The following CYRIB variants were observed in gnomAD, a reference collection of about 807,000 sequenced individuals.
The protein encoded by CYRIB is CYFIP related Rac1 interactor B.
Under a neutral mutation model 44.2 loss-of-function variants are expected in CYRIB, and 8 were observed. The ratio of observed to expected loss-of-function variants is 0.18; its 90% CI spans 0.11 to 0.33. CYRIB has a LOEUF of 0.33. Among genes scored for constraint, CYRIB ranks in the 10% least tolerant of loss-of-function variants. The probability of loss-of-function intolerance (pLI) is 1.00; values close to 1 mark genes in which losing one functional copy is unlikely to be tolerated. For synonymous variants in CYRIB, 131 were observed against 127.2 expected (o/e 1.03, Z -0.20); for missense variants, 185 against 382.8 (o/e 0.48, Z 4.31).
chr8:129,936,055 G>C (rs905205271), intron 1 of CYRIB, among the ~76,000 whole-genome samples: 4 of 152,210 alleles, frequency 2.6e-5, no homozygotes, highest in Admixed American at 2.0e-4. Context: ...TTACAGGAGA[G>C]TACAGAACAA....
chr8:129,967,607 C>T (rs1283563272), intron 2 of CYRIB, among the ~76,000 whole-genome samples: 1 of 152,040 alleles, frequency 6.6e-6, no homozygotes, highest in Non-Finnish European at 1.5e-5. Context: ...TCTCGATCTC[C>T]TGACCTCATG....
At chr8:129,839,809 CAG>C (rs2035443099) in exon 12 of CYRIB, 1 of 152,220 alleles carries the variant, frequency 6.6e-6, no homozygotes, top group Admixed American at 6.5e-5. Flanking sequence ...CCTCAACATG[CAG>C]AGTGTGAACT....
intron 8 of CYRIB, chr8:129,851,490 T>A (rs2043218152): frequency 6.5e-6 from 1 of 153,098 alleles, no homozygotes; most frequent in Non-Finnish European, 1.5e-5. Context: ...ATGGAATACA[T>A]GTAGGGAGTG....
At chr8:129,855,202 C>A (rs573913726) in intron 6 of CYRIB, among the ~76,000 whole-genome samples, 12 of 152,106 alleles carry the variant, frequency 7.9e-5, no homozygotes, top group African/African-American at 2.9e-4. Context: ...ATCAGCCTGG[C>A]CAACATGGTG....
At chr8:129,890,935 A>G (rs186571194) in intron 2 of CYRIB, among the ~76,000 whole-genome samples, 103 of 152,198 alleles carry the variant, frequency 6.8e-4, no homozygotes, top group Non-Finnish European at 1.2e-3. Flanking sequence ...TAAAAGAAGA[A>G]AAGAGAAGAG....
intron 1 of CYRIB, among the ~76,000 whole-genome samples, chr8:129,922,579 A>G (rs2084273617): frequency 6.6e-6 from 1 of 152,170 alleles, no homozygotes; most frequent in Admixed American, 6.5e-5. Context: ...AATATCTAAT[A>G]AAGGCCGGGC....
chr8:129,863,113 A>G (rs1376894200), intron 4 of CYRIB, among the ~76,000 whole-genome samples: 2 of 152,228 alleles, frequency 1.3e-5, no homozygotes, highest in Admixed American at 6.5e-5. Flanking sequence ...AAGTAAGACA[A>G]TAAGATGCCA....
intron 2 of CYRIB, among the ~76,000 whole-genome samples, chr8:129,963,101 G>T (rs182814893): frequency 6.1e-4 from 93 of 152,344 alleles, no homozygotes; most frequent in Non-Finnish European, 2.4e-4. Context: ...TACTGGAACA[G>T]TGGCCTTTTT....
At chr8:129,902,211 TTTTTG>T in intron 2 of CYRIB, among the ~76,000 whole-genome samples, 1 of 152,126 alleles carries the variant, frequency 6.6e-6, no homozygotes, top group Non-Finnish European at 1.5e-5. Context: ...TGGATTTTTG[TTTTTG>T]TTTTTATTGT....
At chr8:129,857,111 T>C (rs190601337) in intron 5 of CYRIB, among the ~76,000 whole-genome samples, 4 of 152,342 alleles carry the variant, frequency 2.6e-5, no homozygotes, top group African/African-American at 4.8e-5. Context: ...TATCCTTTTT[T>C]TTCCAGTAAG....
chr8:130,006,743 G>A (rs2097111192), intron 1 of CYRIB, among the ~76,000 whole-genome samples: 1 of 144,806 alleles, frequency 6.9e-6, no homozygotes, highest in South Asian at 2.2e-4. Flanking sequence ...GGTATGAGCA[G>A]ATTAAAGAAA....
chr8:129,956,998 C>T (rs1230312303), intron 2 of CYRIB, among the ~76,000 whole-genome samples: 4 of 151,992 alleles, frequency 2.6e-5, no homozygotes, highest in Non-Finnish European at 5.9e-5. Context: ...ACGACTGTGC[C>T]TGGCTGATTT....
chr8:130,002,120 G>A (rs532295887), intron 1 of CYRIB, among the ~76,000 whole-genome samples: 1 of 152,078 alleles, frequency 6.6e-6, no homozygotes, highest in Non-Finnish European at 1.5e-5. Flanking sequence ...CTAAACTTTG[G>A]TTTTCTCTGT....
chr8:129,895,975 G>C (rs1010330012), intron 2 of CYRIB, among the ~76,000 whole-genome samples: 1 of 152,100 alleles, frequency 6.6e-6, no homozygotes, highest in South Asian at 2.1e-4. Context: ...CTCTGTTCCT[G>C]TCTGGTTTTG....
In CYRIB at chr8:129,879,376, A is replaced by G; in HGVS notation, c.73+13T>C. 6.3e-7 allele frequency: 1 copy of G among 1,583,664 alleles called. No individual in the cohort carries two copies. Among genetic ancestry groups the G allele is most frequent in the Non-Finnish European group, 8.7e-7 (1 of 1,154,564 alleles). ...GCAGGCAAAGAGAAATAGATATAAA[A>G]TCATCTTCTCACTTTCAAAATCAAG... On this transcript the variant is annotated intron_variant, in intron 3 of 11. Transcript: ENST00000519824.
upstream of CYRIB, among the ~76,000 whole-genome samples, chr8:129,944,343 T>A (rs1468800898): frequency 6.6e-6 from 1 of 152,074 alleles, no homozygotes; most frequent in African/African-American, 2.4e-5. Flanking sequence ...AATCTGCAAG[T>A]TCAATCTGGG....
intron 2 of CYRIB, among the ~76,000 whole-genome samples, chr8:129,952,674 C>T (rs901861619): frequency 6.6e-6 from 1 of 151,762 alleles, no homozygotes; most frequent in Non-Finnish European, 1.5e-5. Flanking sequence ...CAGAAGTGGC[C>T]AAGGGAGAGA....
At chr8:129,932,126 G>A (rs1410573851) in intron 1 of CYRIB, among the ~76,000 whole-genome samples, 1 of 151,534 alleles carries the variant, frequency 6.6e-6, no homozygotes, top group Non-Finnish European at 1.5e-5. Flanking sequence ...AGCCTCCTGA[G>A]TAGCTGGGAT....
chr8:129,989,636 CTTTCTTTTT>C (rs1362697795), intron 1 of CYRIB, among the ~76,000 whole-genome samples: 3 of 147,726 alleles, frequency 2.0e-5, no homozygotes, highest in Non-Finnish European at 4.5e-5. Context: ...GCCTGATGCC[CTTTCTTTTT>C]TTTTTTTTTT....
Sources: gnomAD v4.1 joint callset for allele counts (sites outside exome capture counted in the v4.1 genomes callset) on GRCh38, gnomAD v4.1.1 for gene constraint, MANE v1.5 for transcripts, NCBI Gene and HGNC (gene_info 2026-07-23, HGNC 2026-07-21) for gene names.